The following DPY19L2 variants were observed in gnomAD, a reference collection of about 807,000 sequenced individuals.
The protein encoded by DPY19L2 is probable C-mannosyltransferase DPY19L2.
A neutral mutation model predicts 97.9 loss-of-function variants in DPY19L2; 34 were observed. The ratio of observed to expected loss-of-function variants is 0.35; its 90% CI spans 0.26 to 0.46. DPY19L2 has a LOEUF of 0.46. Ranked by LOEUF, DPY19L2 falls within the 20% of genes least tolerant of loss-of-function variation. DPY19L2 has a pLI of 1.00. For synonymous variants in DPY19L2, 230 were observed against 307.9 expected, an observed-to-expected ratio of 0.75 and a Z score of 2.65; for missense variants, 623 against 911.4, an observed-to-expected ratio of 0.68 and a Z score of 4.07.
intron 13 of DPY19L2, among the ~76,000 whole-genome samples, chr12:63,598,972 A>G (rs1051757337): frequency 6.6e-6 from 1 of 151,756 alleles, no homozygotes; most frequent in Non-Finnish European, 1.5e-5. Context: ...CAGGAGTTTG[A>G]GACCAGGCTG....
intron 12 of DPY19L2, among the ~76,000 whole-genome samples, chr12:63,603,299 A>T (rs1223573317): frequency 3.3e-5 from 5 of 152,090 alleles, no homozygotes; most frequent in African/African-American, 1.2e-4. Flanking sequence ...CTGTGTATCT[A>T]TTTTGCTGTT....
chr12:63,605,210 G>A (rs932165424), intron 12 of DPY19L2, among the ~76,000 whole-genome samples: 2 of 152,138 alleles, frequency 1.3e-5, no homozygotes, highest in Admixed American at 6.5e-5. Context: ...GAGACACCAG[G>A]ATTGTGGGCT....
intron 2 of DPY19L2, among the ~76,000 whole-genome samples, chr12:63,665,179 G>A (rs1018824372): frequency 1.3e-5 from 2 of 152,034 alleles, no homozygotes; most frequent in African/African-American, 4.8e-5. Context: ...TATCACCAAA[G>A]TTATTTCACT....
Position 63,596,024 on chromosome 12 carries a change from T to C in DPY19L2, c.1475A>G (p.Tyr492Cys), listed in dbSNP as rs1884170457. The C allele has an allele frequency of 6.2e-7, 1 of 1,601,134 alleles. No homozygotes were observed. The highest frequency in any genetic ancestry group is 1.3e-5 in the African/African-American group (1 of 74,322). Residue 492 changes from tyrosine (Y) to cysteine (C), a missense_variant, in exon 15 of 22, where the codon TAC (tyrosine) becomes TGC (cysteine). Transcript: ENST00000324472. ...DFMEKATPLR[Y>C]TKTLLLPVVM... is the part of the protein sequence containing the mutation. Reference sequence around the variant, plus strand: ...AACTGGAAGCAATAATGTCTTTGTGTATCTCAGCGGAGTCTGAAATATACC... The same window carrying C: ...AACTGGAAGCAATAATGTCTTTGTGCATCTCAGCGGAGTCTGAAATATACC...
intron 7 of DPY19L2, among the ~76,000 whole-genome samples, chr12:63,625,780 G>A (rs1365698774): frequency 3.9e-5 from 6 of 152,042 alleles, no homozygotes; most frequent in Non-Finnish European, 5.9e-5. Flanking sequence ...TAAGGGGAGT[G>A]CAATGTATAC....
intron 21 of DPY19L2, among the ~76,000 whole-genome samples, chr12:63,561,604 C>T (rs1333991624): frequency 6.6e-6 from 1 of 151,474 alleles, no homozygotes; most frequent in Non-Finnish European, 1.5e-5. Flanking sequence ...TGTTGTGGTT[C>T]AGTAGTTCCT....
At chr12:63,658,852 A>G (rs1895315877) in intron 4 of DPY19L2, among the ~76,000 whole-genome samples, 1 of 152,224 alleles carries the variant, frequency 6.6e-6, no homozygotes, top group African/African-American at 2.4e-5. Flanking sequence ...AAACTAAACC[A>G]TAATGACAAA....
chr12:63,620,583 T>C (rs941678911), intron 9 of DPY19L2, among the ~76,000 whole-genome samples: 1 of 152,198 alleles, frequency 6.6e-6, no homozygotes, highest in Non-Finnish European at 1.5e-5. Flanking sequence ...AATTATATTA[T>C]TTCATAAAAA....
At chr12:63,643,114 G>T in intron 6 of DPY19L2, among the ~76,000 whole-genome samples, 1 of 151,778 alleles carries the variant, frequency 6.6e-6, no homozygotes, top group Non-Finnish European at 1.5e-5. Flanking sequence ...CTTACATCTA[G>T]TAACATTGTA....
chr12:63,668,612 C>T, upstream of DPY19L2: 2 of 560,380 alleles, frequency 3.6e-6, no homozygotes, highest in South Asian at 4.5e-5. Flanking sequence ...CACGTGCTCC[C>T]CAGCGCGAGC....
intron 19 of DPY19L2, among the ~76,000 whole-genome samples, chr12:63,579,177 C>T (rs1395681954): frequency 1.3e-5 from 2 of 152,154 alleles, no homozygotes; most frequent in Admixed American, 1.3e-4. Context: ...GTATGGAAGT[C>T]TCCATTTAGC....
intron 20 of DPY19L2, 66 bp from the exon 21 acceptor site, chr12:63,569,415 C>A: frequency 1.6e-6 from 2 of 1,218,234 alleles, no homozygotes; most frequent in African/African-American, 3.2e-5. Context: ...CTAAAAAAAT[C>A]TTACTAGCAA....
chr12:63,642,592 T>A (rs1322313178), intron 6 of DPY19L2, among the ~76,000 whole-genome samples: 2 of 152,106 alleles, frequency 1.3e-5, no homozygotes, highest in African/African-American at 4.8e-5. Context: ...CGATACCCAC[T>A]CTTCCATATA....
At chr12:63,628,480 G>C (rs1181307771) in intron 6 of DPY19L2, among the ~76,000 whole-genome samples, 1 of 152,152 alleles carries the variant, frequency 6.6e-6, no homozygotes, top group African/African-American at 2.4e-5. Flanking sequence ...TAGCACAGCA[G>C]TCTGAGATCC....
intron 5 of DPY19L2, among the ~76,000 whole-genome samples, chr12:63,645,856 A>G (rs1466870340): frequency 6.6e-6 from 1 of 151,890 alleles, no homozygotes; most frequent in Non-Finnish European, 1.5e-5. Context: ...TTTCCATACC[A>G]TTGACTAAAT....
At chr12:63,636,510 T>C (rs1891725494) in intron 6 of DPY19L2, among the ~76,000 whole-genome samples, 1 of 152,128 alleles carries the variant, frequency 6.6e-6, no homozygotes, top group Admixed American at 6.6e-5. Flanking sequence ...AGACCCATCA[T>C]TGTGCTGTAT....
intron 19 of DPY19L2, among the ~76,000 whole-genome samples, chr12:63,572,075 G>A (rs1197199779): frequency 6.6e-6 from 1 of 152,134 alleles, no homozygotes; most frequent in Non-Finnish European, 1.5e-5. Flanking sequence ...ATCAGCTTAG[G>A]TACCAGCTTG....
chr12:63,621,007 T>C (rs1052238474), intron 9 of DPY19L2, among the ~76,000 whole-genome samples: 9 of 151,318 alleles, frequency 5.9e-5, no homozygotes, highest in South Asian at 2.1e-4. Flanking sequence ...ACAATGAGAA[T>C]ACATGGACAC....
chr12:63,609,288 G>A (rs3857812), intron 11 of DPY19L2, among the ~76,000 whole-genome samples: 28,978 of 151,782 alleles, frequency 0.19, 4,114 homozygotes, highest in African/African-American at 0.42. Flanking sequence ...AAGAAGTTGG[G>A]ATTGACACTA....
Sources: allele counts gnomAD v4.1 joint callset (sites outside exome capture counted in the v4.1 genomes callset), GRCh38; gene constraint gnomAD v4.1.1; transcripts MANE v1.5; gene names NCBI Gene and HGNC (gene_info 2026-07-23, HGNC 2026-07-21).